MAGI2: variants seen among roughly 807,000 people sequenced by gnomAD.
The protein encoded by MAGI2 is membrane associated guanylate kinase, WW and PDZ domain containing 2, also known as membrane-associated guanylate kinase, WW and PDZ domain-containing protein 2.
A neutral mutation model predicts 133.3 loss-of-function variants in MAGI2; 35 were observed. The ratio of observed to expected loss-of-function variants is 0.26; its 90% confidence interval spans 0.20 to 0.35. The LOEUF is 0.35. MAGI2 is among the 10% of genes least tolerant of loss of function. MAGI2 has a pLI of 1.00. For synonymous variants in MAGI2, 729 were observed against 710.6 expected (o/e 1.03, Z -0.41); for missense variants, 1,636 against 1,863.4 (o/e 0.88, Z 2.25).
Position 79,401,854 on chromosome 7 carries a change from T to TA in MAGI2, c.301+51165dup, listed in dbSNP as rs955685439. ...AAAGTTAAAGATATAAGAAAAGGAA[T>TA]AAAAAATGGCTTTTCTAAATACAAA... On this transcript the variant is annotated intron_variant, in intron 1 of 21. Transcript: ENST00000354212. Among the ~76,000 whole-genome samples the TA allele has an allele frequency of 2.9e-4, 44 of 152,194 alleles. No homozygotes were observed. In the East Asian group the frequency reaches 4.1e-3, roughly 14 times the overall value.
intron 1 of MAGI2, among the ~76,000 whole-genome samples, chr7:79,163,858 G>T (rs1411080165): frequency 2.0e-5 from 3 of 151,820 alleles, no homozygotes; most frequent in Non-Finnish European, 4.4e-5. Context: ...TCAGCAAAAT[G>T]AAAAAAGGCA....
At chr7:78,952,602 C>G (rs117084104) in intron 2 of MAGI2, among the ~76,000 whole-genome samples, 248 of 152,030 alleles carry the variant, frequency 1.6e-3, no homozygotes, top group Non-Finnish European at 2.6e-3. Flanking sequence ...ATATTTTACA[C>G]CTGGTGATAT....
At chr7:79,157,742 C>G (rs1823924652) in intron 1 of MAGI2, among the ~76,000 whole-genome samples, 1 of 151,764 alleles carries the variant, frequency 6.6e-6, no homozygotes, top group South Asian at 2.1e-4. Context: ...GTTTGACTTG[C>G]CAACTATAGG....
At chr7:78,269,649 T>A (rs1320176476) in intron 9 of MAGI2, among the ~76,000 whole-genome samples, 1 of 151,624 alleles carries the variant, frequency 6.6e-6, no homozygotes, top group East Asian at 1.9e-4. Flanking sequence ...TTCTTACACA[T>A]TTGTTTAAGT....
At chr7:78,798,353 G>A (rs1374754895) in intron 2 of MAGI2, among the ~76,000 whole-genome samples, 14 of 152,082 alleles carry the variant, frequency 9.2e-5, no homozygotes, top group Admixed American at 8.5e-4. Context: ...AAAAAATTCA[G>A]TGATATAAGT....
chr7:78,378,753 T>C (rs1794670615), intron 6 of MAGI2, among the ~76,000 whole-genome samples: 2 of 152,020 alleles, frequency 1.3e-5, no homozygotes, highest in African/African-American at 4.8e-5. Flanking sequence ...CCAAGAGATA[T>C]TTTGAGGACA....
At chr7:78,366,898 C>T (rs369388508) in intron 7 of MAGI2, among the ~76,000 whole-genome samples, 11 of 151,980 alleles carry the variant, frequency 7.2e-5, no homozygotes, top group East Asian at 5.8e-4. Context: ...CTGAATGTAA[C>T]GGGAAGAAAA....
intron 2 of MAGI2, among the ~76,000 whole-genome samples, chr7:78,872,022 C>A (rs1795067925): frequency 6.6e-6 from 1 of 151,686 alleles, no homozygotes; most frequent in Non-Finnish European, 1.5e-5. Context: ...CTTTGTTCTT[C>A]CTTTGAACAA....
chr7:78,291,194 TA>T (rs1166223400), intron 9 of MAGI2, among the ~76,000 whole-genome samples: 1 of 151,670 alleles, frequency 6.6e-6, no homozygotes, highest in Non-Finnish European at 1.5e-5. Context: ...GCAAGACTAA[TA>T]AAGAAGAAAA....
intron 3 of MAGI2, among the ~76,000 whole-genome samples, chr7:78,620,671 T>C (rs2150938208): frequency 6.6e-6 from 1 of 152,088 alleles, no homozygotes; most frequent in East Asian, 1.9e-4. Flanking sequence ...AAATGTCGTA[T>C]TTGTACTATG....
At chr7:78,725,190 G>T (rs1469052006) in intron 2 of MAGI2, among the ~76,000 whole-genome samples, 2 of 152,118 alleles carry the variant, frequency 1.3e-5, no homozygotes, top group Non-Finnish European at 2.9e-5. Context: ...CTTTTTTGAA[G>T]CGTTAACGCT....
chr7:78,151,048 C>CTTTATATTTATA (rs3840597), intron 16 of MAGI2, among the ~76,000 whole-genome samples: 7,140 of 137,750 alleles, frequency 0.052, 237 homozygotes, highest in South Asian at 0.091. Context: ...GAGTTTGATG[C>CTTTATATTTATA]TTTATATTTA....
chr7:78,073,501 C>G (rs1814939208), intron 21 of MAGI2, among the ~76,000 whole-genome samples: 1 of 151,818 alleles, frequency 6.6e-6, no homozygotes, highest in Non-Finnish European at 1.5e-5. Flanking sequence ...ATAAACAGGC[C>G]AGAGCACCAA....
At chr7:78,575,806 AAATTGTCAC>A (rs1301875963) in intron 3 of MAGI2, among the ~76,000 whole-genome samples, 2 of 152,222 alleles carry the variant, frequency 1.3e-5, no homozygotes, top group Non-Finnish European at 1.5e-5. Flanking sequence ...AAAATCTGAG[AAATTGTCAC>A]AATCTAAGGG....
rs144312794 is a variant in MAGI2 at position 78,380,823 on chromosome 7, G to A, written c.1046-11610C>T. Among the ~76,000 whole-genome samples the A allele has an allele frequency of 7.9e-5, 12 of 152,172 alleles. No homozygotes were observed. In the East Asian group the frequency reaches 1.7e-3, roughly 22 times the overall value. On this transcript the variant is annotated intron_variant, in intron 6 of 21. Coordinates refer to ENST00000354212, the MANE Select transcript of MAGI2 (RefSeq NM_012301.4). The stretch of plus-strand genomic sequence containing the variant: ...ACGAGATTATTATGCATTGCACGCC[G>A]ATATTAAAATATCTCATGTATCCCA...
At chr7:78,181,469 C>T (rs564094449) in intron 13 of MAGI2, among the ~76,000 whole-genome samples, 1 of 152,290 alleles carries the variant, frequency 6.6e-6, no homozygotes, top group South Asian at 2.1e-4. Flanking sequence ...GTCAGAGACA[C>T]TCTCAGGTGT....
At chr7:78,952,711 A>G (rs1801969078) in intron 2 of MAGI2, among the ~76,000 whole-genome samples, 1 of 152,206 alleles carries the variant, frequency 6.6e-6, no homozygotes. Context: ...GAAAATTCAT[A>G]TGGTTCCCAT....
At chr7:78,256,635 T>A (rs576635055) in intron 9 of MAGI2, 54 bp from the exon 10 acceptor site, 1 of 1,425,266 alleles carries the variant, frequency 7.0e-7, no homozygotes, top group African/African-American at 1.4e-5. Flanking sequence ...AACATTGACA[T>A]AGAGAAATGG....
In MAGI2 at chr7:78,840,746, G is replaced by A. The variant is rs919664447; in HGVS notation, c.418+166344C>T. Among the ~76,000 whole-genome samples, 6 of 151,942 alleles carry A rather than the reference G, an allele frequency of 3.9e-5. No homozygotes were observed. In the South Asian group the frequency reaches 1.0e-3, roughly 26 times the overall value. On this transcript the variant is annotated intron_variant, in intron 2 of 21. Coordinates refer to ENST00000354212, the MANE Select transcript of MAGI2 (RefSeq NM_012301.4). ...CATTACTTAGTGGGAAAGAATATGCGATTTGCAAACAGACAAGAGTTTAAA... is the reference window on the plus strand; with the variant it reads ...CATTACTTAGTGGGAAAGAATATGCAATTTGCAAACAGACAAGAGTTTAAA...
Sources: allele counts gnomAD v4.1 joint callset (sites outside exome capture counted in the v4.1 genomes callset), GRCh38; gene constraint gnomAD v4.1.1; transcripts MANE v1.5; gene names NCBI Gene and HGNC (gene_info 2026-07-23, HGNC 2026-07-21).